Variants in GLB1L2 observed in about 807,000 individuals in gnomAD.
GLB1L2 encodes beta-galactosidase-1-like protein 2.
A neutral mutation model predicts 84.1 loss-of-function variants in GLB1L2; 68 were observed. The observed-to-expected ratio is 0.81, with a 90% CI of 0.67 to 0.99. GLB1L2 has a LOEUF of 0.99. GLB1L2 is among the 50% of genes least tolerant of loss of function. The pLI, the probability that GLB1L2 is intolerant of heterozygous loss-of-function variation, is 0.00. For missense variants in GLB1L2, 762 were observed against 805.6 expected (o/e 0.95, Z 0.66); for synonymous variants, 290 against 318.0 (o/e 0.91, Z 0.94).
chr11:134,356,082 T>G (rs779299732), intron 5 of GLB1L2: 2 of 664,824 alleles, frequency 3.0e-6, no homozygotes, highest in Non-Finnish European at 5.5e-6. Context: ...TTTCCAGAGC[T>G]CCTATTAAGT....
chr11:134,356,918 T>C (rs1312358157), intron 6 of GLB1L2, among the ~76,000 whole-genome samples: 1 of 152,240 alleles, frequency 6.6e-6, no homozygotes, highest in Non-Finnish European at 1.5e-5. Flanking sequence ...TCAGATCTGC[T>C]TTCTGTCCCT....
In GLB1L2 at chr11:134,364,335, C is replaced by A. The variant is rs780056198; in HGVS notation, c.741C>A (p.Ala247=). 1.9e-6 allele frequency: 3 copies of A among 1,613,660 alleles called. No individual in the cohort carries two copies. The highest frequency in any genetic ancestry group is 2.5e-6 in the Non-Finnish European group (3 of 1,179,654). ...LSKGIVQGVL[A]TINLQSTHEL... is the part of the protein sequence containing the mutation. ...TCCTCTTCCCTTTAACAGTCTTGGCCACCATCAACTTGCAGTCAACACACG... is the reference window on the plus strand; with the variant it reads ...TCCTCTTCCCTTTAACAGTCTTGGCAACCATCAACTTGCAGTCAACACACG... The change falls in exon 8 of 19, where the codon GCC becomes GCA. Residue 247 remains alanine (A), a synonymous_variant. Transcript: ENST00000535456.
chr11:134,357,534 C>G (rs1280979483), intron 6 of GLB1L2, among the ~76,000 whole-genome samples: 2 of 152,236 alleles, frequency 1.3e-5, no homozygotes, highest in Non-Finnish European at 2.9e-5. Flanking sequence ...CTGCGATACC[C>G]CATTCCCGCA....
intron 10 of GLB1L2, among the ~76,000 whole-genome samples, chr11:134,368,990 T>A (rs892534936): frequency 6.6e-6 from 1 of 152,172 alleles, no homozygotes; most frequent in Non-Finnish European, 1.5e-5. Flanking sequence ...CTGGTCACTC[T>A]ACAGAGAGGC....
In GLB1L2 at chr11:134,367,077, C is replaced by T. The variant is rs891109097; in HGVS notation, c.805-180C>T. The T allele has an allele frequency of 1.5e-4, 93 of 633,274 alleles. 1 individual carries two copies. In the Middle Eastern group the frequency reaches 2.1e-3, roughly 14 times the overall value. The allele number at this position is 633,274 out of a possible 1,614,324, so 39.2% of individuals were successfully genotyped here. A position where few individuals can be genotyped will look rare whatever the true frequency, so the allele number is the denominator to read the frequency against. On this transcript the variant is annotated intron_variant, in intron 8 of 18. Transcript: ENST00000535456. ...CAGGAGGCCACATGTGGCAGGAGAA[C>T]TGGTGTGCAGGCGAATTTGGCCCTC...
chr11:134,359,178 CGGCCCTGGGCT>C, intron 7 of GLB1L2, 37 bp downstream of exon 7: 3 of 1,476,456 alleles, frequency 2.0e-6, no homozygotes, highest in Middle Eastern at 1.8e-4. Flanking sequence ...GGGCTGGCGG[CGGCCCTGGGCT>C]GGCTGTGCAC....
chr11:134,358,176 A>G (rs1943731385), intron 6 of GLB1L2, among the ~76,000 whole-genome samples: 1 of 152,226 alleles, frequency 6.6e-6, no homozygotes, highest in Non-Finnish European at 1.5e-5. Context: ...CAGTCTTGGC[A>G]TAATATCTGC....
chr11:134,348,620 T>C (rs935675200), intron 5 of GLB1L2, among the ~76,000 whole-genome samples: 1 of 152,234 alleles, frequency 6.6e-6, no homozygotes, highest in Non-Finnish European at 1.5e-5. Flanking sequence ...ACATAAACTT[T>C]GCCATTTTAA....
At chr11:134,355,896 C>T (rs1943693492) in intron 5 of GLB1L2, 2 of 407,454 alleles carry the variant, frequency 4.9e-6, no homozygotes, top group Admixed American at 6.0e-5. Context: ...TCAACAAGTT[C>T]CATTTTGCTT....
At chr11:134,345,276 G>A in intron 4 of GLB1L2, 147 bp downstream of exon 4, 3 of 1,015,760 alleles carry the variant, frequency 3.0e-6, no homozygotes, top group Non-Finnish European at 4.2e-6. Flanking sequence ...AGGAAAAGCA[G>A]CACCCAGAGG....
chr11:134,351,789 G>C (rs932149334), intron 5 of GLB1L2, among the ~76,000 whole-genome samples: 1 of 152,100 alleles, frequency 6.6e-6, no homozygotes, highest in Admixed American at 6.5e-5. Flanking sequence ...TATTCATCAG[G>C]ACTGTTAGTC....
At chr11:134,355,710 A>G (rs756180008) in intron 5 of GLB1L2, among the ~76,000 whole-genome samples, 1 of 152,176 alleles carries the variant, frequency 6.6e-6, no homozygotes, top group Non-Finnish European at 1.5e-5. Context: ...CCAAGGCTTT[A>G]TAGTCCTCTG....
At position 134,342,951 on chromosome 11, in the gene GLB1L2, C is replaced by A. The variant is rs1308120721; in HGVS notation, c.284C>A (p.Thr95Asn). The change falls in exon 2 of 19, where the codon ACC becomes AAC. Residue 95 changes from threonine to asparagine, a missense_variant and splice_region_variant. Thr to Asn is a moderately conservative substitution (Grantham distance 65). Coordinates refer to ENST00000535456, the MANE Select transcript of GLB1L2 (RefSeq NM_001370461.1). Reference sequence around the variant, plus strand: ...GCCTGTGGCTTGAACACCCTCACCACGTAGGTGCTGCCCCTGTCCCCCCGG... The same window carrying A: ...GCCTGTGGCTTGAACACCCTCACCAAGTAGGTGCTGCCCCTGTCCCCCCGG... ...MKACGLNTLT[T>N]YVPWNLHEPE... 2.4e-5 allele frequency: 38 copies of A among 1,608,618 alleles called. No individual in the cohort carries two copies. The highest frequency in any genetic ancestry group is 3.1e-5 in the Non-Finnish European group (36 of 1,176,466).
intron 5 of GLB1L2, among the ~76,000 whole-genome samples, chr11:134,348,276 T>C (rs1196127792): frequency 6.6e-6 from 1 of 152,240 alleles, no homozygotes; most frequent in Non-Finnish European, 1.5e-5. Flanking sequence ...GCATGGGTCA[T>C]ACTTACACTA....
rs189686155 is a variant in GLB1L2, at chr11:134,370,099, G to A, written c.1109-194G>A. Among the ~76,000 whole-genome samples the A allele has an allele frequency of 1.2e-4, 18 of 152,226 alleles. No homozygotes were observed. The East Asian group carries it at 1.7e-3, about 15-fold the overall frequency. ...ACGCTCCTTATCTCCTGTGGAGGAC[G>A]GGAGAACGCCCTGGCTTTCCCCCAG... is the stretch of plus-strand genomic sequence containing the variant. On this transcript the variant is annotated intron_variant, in intron 11 of 18. Coordinates refer to ENST00000535456, the MANE Select transcript of GLB1L2 (RefSeq NM_001370461.1). The surrounding 1 kb of genome is among the most constrained non-coding windows in gnomAD (Gnocchi z 4.7).
Position 134,344,487 on chromosome 11 carries a change from C to G in GLB1L2, c.353+32C>G, listed in dbSNP as rs554188461. The G allele has an allele frequency of 6.0e-5, 96 of 1,606,744 alleles. 5 individuals carry two copies. In the South Asian group the frequency reaches 1.0e-3, roughly 17 times the overall value. ...GGTGTTGCTGCTTCTGTGAACTGGC[C>G]AGGGGCAGGGCACAGAGGTGGCTAC... is the stretch of plus-strand genomic sequence containing the variant. On this transcript the variant is annotated intron_variant, in intron 3 of 18. Coordinates refer to ENST00000535456, the MANE Select transcript of GLB1L2 (RefSeq NM_001370461.1).
At chr11:134,340,436 T>G (rs1943446097) in intron 1 of GLB1L2, among the ~76,000 whole-genome samples, 1 of 152,194 alleles carries the variant, frequency 6.6e-6, no homozygotes, top group African/African-American at 2.4e-5. Context: ...GGGGAGAACC[T>G]GTGTTGCGGC....
At position 134,367,460 on chromosome 11, in the gene GLB1L2, G is replaced by A. The variant is rs559629471; in HGVS notation, c.889+119G>A. 8.9e-6 allele frequency: 7 copies of A among 787,944 alleles called. No homozygotes were observed. In the South Asian group the frequency reaches 1.3e-4, roughly 15 times the overall value. 48.8% of individuals were successfully genotyped at this position (787,944 alleles called of 1,614,324 possible). On this transcript the variant is annotated intron_variant, in intron 9 of 18. Coordinates refer to ENST00000535456, the MANE Select transcript of GLB1L2 (RefSeq NM_001370461.1). The stretch of plus-strand genomic sequence containing the variant: ...GTGCAAGGCTGCTGGGATTATCTGT[G>A]TGCAGAAGTTGGCTTTGGATATTCC...
At chr11:134,365,666 C>T (rs1316048343) in intron 8 of GLB1L2, among the ~76,000 whole-genome samples, 1 of 152,198 alleles carries the variant, frequency 6.6e-6, no homozygotes, top group Non-Finnish European at 1.5e-5. Flanking sequence ...GAGGGGTAGC[C>T]ACGCGCGAGC....
Sources: allele counts gnomAD v4.1 joint callset (sites outside exome capture counted in the v4.1 genomes callset), GRCh38; gene constraint gnomAD v4.1.1; non-coding constraint Gnocchi (gnomAD v3.1); transcripts MANE v1.5; gene names NCBI Gene and HGNC (gene_info 2026-07-23, HGNC 2026-07-21).